The following IMMP2L variants were observed in gnomAD, a reference collection of about 807,000 sequenced individuals.
IMMP2L encodes inner mitochondrial membrane peptidase subunit 2, also known as mitochondrial inner membrane protease subunit 2.
In IMMP2L, 18 loss-of-function variants were observed where a neutral mutation model predicts 19.3. The ratio of observed to expected loss-of-function variants is 0.93; its 90% CI spans 0.64 to 1.38. The LOEUF is 1.38. Ranked by LOEUF, IMMP2L falls within the 40% of genes most tolerant of loss-of-function variation. The pLI is 0.00. For synonymous variants in IMMP2L, 76 were observed against 73.0 expected (o/e 1.04, Z -0.21); for missense variants, 233 against 218.2 (o/e 1.07, Z -0.43).
intron 4 of IMMP2L, among the ~76,000 whole-genome samples, chr7:110,892,086 C>A (rs1273328552): frequency 6.6e-6 from 1 of 152,108 alleles, no homozygotes; most frequent in Non-Finnish European, 1.5e-5. Context: ...CCTCCTTCCA[C>A]CTCCTGTTTC....
At chr7:111,297,606 C>T (rs1821767014) in intron 3 of IMMP2L, among the ~76,000 whole-genome samples, 1 of 152,028 alleles carries the variant, frequency 6.6e-6, no homozygotes, top group African/African-American at 2.4e-5. Context: ...ATGACTTGTG[C>T]ATAAATGTAT....
intron 4 of IMMP2L, among the ~76,000 whole-genome samples, chr7:110,923,048 G>C (rs1490982447): frequency 6.6e-6 from 1 of 151,996 alleles, no homozygotes; most frequent in Admixed American, 6.6e-5. Context: ...TCGTGCCTAT[G>C]GCTAGGCCCC....
chr7:111,350,505 GT>G (rs1326262923), intron 3 of IMMP2L, among the ~76,000 whole-genome samples: 1 of 152,004 alleles, frequency 6.6e-6, no homozygotes, highest in Non-Finnish European at 1.5e-5. Flanking sequence ...ACACTGTAAT[GT>G]TACAATATTC....
At chr7:111,095,012 A>G (rs538890981) in intron 3 of IMMP2L, among the ~76,000 whole-genome samples, 25 of 152,168 alleles carry the variant, frequency 1.6e-4, no homozygotes, top group African/African-American at 4.8e-4. Flanking sequence ...GCCATTTACT[A>G]TATTTGCATA....
At chr7:111,112,799 G>C (rs1799395650) in intron 3 of IMMP2L, among the ~76,000 whole-genome samples, 1 of 152,142 alleles carries the variant, frequency 6.6e-6, no homozygotes, top group Non-Finnish European at 1.5e-5. Flanking sequence ...CTTAGGTATA[G>C]TAACAGAAAA....
Position 110,680,046 on chromosome 7 carries a change from G to A in IMMP2L, c.409-16325C>T, listed in dbSNP as rs181969709. On this transcript the variant is annotated intron_variant, in intron 5 of 5. Transcript: ENST00000405709. ...ATAACGAACAATATTCACACATTAC[G>A]TTTCCCCAAAAAAGGCAGAAACAGA... Among the ~76,000 whole-genome samples the A allele has an allele frequency of 2.9e-4, 44 of 152,174 alleles. 2 individuals carry two copies. Among genetic ancestry groups the A allele is most frequent in the Non-Finnish European group, 1.0e-4 (7 of 67,994 alleles).
intron 3 of IMMP2L, among the ~76,000 whole-genome samples, chr7:111,347,412 G>A (rs1029897081): frequency 2.6e-5 from 4 of 152,006 alleles, no homozygotes; most frequent in East Asian, 1.9e-4. Flanking sequence ...AGAAGTGGAC[G>A]AAACCAGTCT....
intron 5 of IMMP2L, among the ~76,000 whole-genome samples, chr7:110,863,711 T>A (rs918163449): frequency 6.6e-6 from 1 of 152,158 alleles, no homozygotes; most frequent in Non-Finnish European, 1.5e-5. Flanking sequence ...GCCCAACTAA[T>A]GTAAATGTTC....
chr7:110,752,456 T>A (rs544043923), intron 5 of IMMP2L, among the ~76,000 whole-genome samples: 1 of 152,174 alleles, frequency 6.6e-6, no homozygotes, highest in African/African-American at 2.4e-5. Context: ...ATATACACAT[T>A]TATATATCTA....
At chr7:111,227,961 A>G (rs1266113552) in intron 3 of IMMP2L, among the ~76,000 whole-genome samples, 1 of 152,132 alleles carries the variant, frequency 6.6e-6, no homozygotes, top group Non-Finnish European at 1.5e-5. Flanking sequence ...TATTTGTTAC[A>G]GAACCTAATA....
intron 5 of IMMP2L, among the ~76,000 whole-genome samples, chr7:110,868,045 G>A (rs1808158597): frequency 6.6e-6 from 1 of 151,664 alleles, no homozygotes; most frequent in Admixed American, 6.6e-5. Flanking sequence ...CCTTCAGAGA[G>A]ACGCAAACTC....
At chr7:110,762,074 C>T (rs1292050529) in intron 5 of IMMP2L, among the ~76,000 whole-genome samples, 4 of 152,180 alleles carry the variant, frequency 2.6e-5, no homozygotes, top group East Asian at 1.9e-4. Context: ...CAAAGAATCA[C>T]GGAACTTGGC....
intron 3 of IMMP2L, among the ~76,000 whole-genome samples, chr7:111,366,803 T>C (rs1181971496): frequency 6.6e-6 from 1 of 152,000 alleles, no homozygotes; most frequent in Non-Finnish European, 1.5e-5. Context: ...TATTATTTCA[T>C]AAATACATTC....
intron 5 of IMMP2L, among the ~76,000 whole-genome samples, chr7:110,806,623 G>A (rs558321029): frequency 6.6e-6 from 1 of 151,888 alleles, no homozygotes; most frequent in Non-Finnish European, 1.5e-5. Context: ...TCAAAAAAAT[G>A]AAACCAACTA....
chr7:111,177,367 G>T (rs546698432), intron 3 of IMMP2L, among the ~76,000 whole-genome samples: 1 of 152,088 alleles, frequency 6.6e-6, no homozygotes, highest in South Asian at 2.1e-4. Flanking sequence ...TTTCTGTAGA[G>T]ATGGGGTCTT....
At chr7:110,747,611 C>T (rs960570664) in intron 5 of IMMP2L, among the ~76,000 whole-genome samples, 12 of 152,090 alleles carry the variant, frequency 7.9e-5, no homozygotes, top group South Asian at 2.1e-4. Flanking sequence ...AATCAATAAA[C>T]GTAATCCATG....
chr7:111,486,126 C>G (rs2132260660), intron 3 of IMMP2L, among the ~76,000 whole-genome samples: 1 of 152,192 alleles, frequency 6.6e-6, no homozygotes, highest in African/African-American at 2.4e-5. Context: ...TAAAAGCACT[C>G]AAAACCTGAG....
intron 5 of IMMP2L, among the ~76,000 whole-genome samples, chr7:110,858,315 T>C (rs1807017677): frequency 6.6e-6 from 1 of 152,120 alleles, no homozygotes; most frequent in Non-Finnish European, 1.5e-5. Flanking sequence ...TCTAGATTAA[T>C]AACAAGGTAT....
At chr7:111,073,642 T>C (rs2129575615) in intron 3 of IMMP2L, among the ~76,000 whole-genome samples, 1 of 152,272 alleles carries the variant, frequency 6.6e-6, no homozygotes, top group South Asian at 2.1e-4. Flanking sequence ...GCATCATTTT[T>C]ACTTCAACTT....
Sources: allele counts gnomAD v4.1 joint callset (sites outside exome capture counted in the v4.1 genomes callset), GRCh38; gene constraint gnomAD v4.1.1; transcripts MANE v1.5; gene names NCBI Gene and HGNC (gene_info 2026-07-23, HGNC 2026-07-21).